EPHA3: variants seen among roughly 807,000 people sequenced by gnomAD.
EPHA3 encodes EPH receptor A3, also known as ephrin type-A receptor 3.
EPHA3 carries 42 observed loss-of-function variants against 107.1 expected under a neutral mutation model. The ratio of observed to expected loss-of-function variants is 0.39; its 90% confidence interval spans 0.31 to 0.51. The LOEUF (loss-of-function observed/expected upper bound fraction) is 0.51, where lower values mean the gene tolerates loss of function less well. Ranked by LOEUF, EPHA3 falls within the 20% of genes least tolerant of loss-of-function variation. The pLI is 0.78. For synonymous variants in EPHA3, 461 were observed against 424.8 expected, an observed-to-expected ratio of 1.09 and a Z score of -1.05; for missense variants, 1,183 against 1,211.2, an observed-to-expected ratio of 0.98 and a Z score of 0.35.
intron 3 of EPHA3, among the ~76,000 whole-genome samples, chr3:89,249,222 T>G (rs2107259813): frequency 6.6e-6 from 1 of 152,312 alleles, no homozygotes; most frequent in East Asian, 1.9e-4. Context: ...AAGGCCCTGG[T>G]TTTGTCTCCT....
intron 2 of EPHA3, among the ~76,000 whole-genome samples, chr3:89,182,292 G>T (rs946429782): frequency 2.0e-5 from 3 of 151,864 alleles, no homozygotes; most frequent in East Asian, 1.9e-4. Context: ...ATCTGTAAAA[G>T]ATCAGTCCGG....
chr3:89,469,413 T>C (rs539190258), intron 15 of EPHA3, among the ~76,000 whole-genome samples: 2 of 152,296 alleles, frequency 1.3e-5, no homozygotes, highest in South Asian at 4.1e-4. Flanking sequence ...GTTTCATGCA[T>C]CGCTGTAAAA....
chr3:89,204,666 A>G (rs1706058201), intron 2 of EPHA3, among the ~76,000 whole-genome samples: 1 of 151,146 alleles, frequency 6.6e-6, no homozygotes, highest in South Asian at 2.1e-4. Context: ...GGCTAAGGAA[A>G]ACTACTTATG....
At position 89,152,474 on chromosome 3, in the gene EPHA3, T is replaced by C. The variant is rs375011100; in HGVS notation, c.153+25201T>C. 3.9e-5 allele frequency among the ~76,000 whole-genome samples: 6 copies of C among 152,204 alleles called. 1 individual carries two copies. Among genetic ancestry groups the C allele is most frequent in the African/African-American group, 1.2e-4 (5 of 41,548 alleles). ...TCTAGGTGATTTTACTCATCTGTTG[T>C]TATGAGTAATTCTCAGGACCTAAAA... On this transcript the variant is annotated intron_variant, in intron 2 of 16. Coordinates refer to ENST00000336596, the MANE Select transcript of EPHA3 (RefSeq NM_005233.6).
At chr3:89,223,416 T>C (rs367650843) in intron 3 of EPHA3, among the ~76,000 whole-genome samples, 1 of 152,210 alleles carries the variant, frequency 6.6e-6, no homozygotes, top group Non-Finnish European at 1.5e-5. Flanking sequence ...AACAGATGAA[T>C]GCTTGAAGGC....
chr3:89,199,005 A>G (rs1705907642), intron 2 of EPHA3, among the ~76,000 whole-genome samples: 1 of 152,160 alleles, frequency 6.6e-6, no homozygotes, highest in Admixed American at 6.5e-5. Flanking sequence ...TTTTTATTGG[A>G]CAATTTCACC....
At chr3:89,318,912 A>G (rs1442691273) in intron 3 of EPHA3, among the ~76,000 whole-genome samples, 1 of 151,952 alleles carries the variant, frequency 6.6e-6, no homozygotes. Flanking sequence ...TCCCCAGAGG[A>G]GTGCAAATAT....
chr3:89,416,328 C>A (rs1349230235), intron 10 of EPHA3, among the ~76,000 whole-genome samples: 7 of 151,324 alleles, frequency 4.6e-5, no homozygotes, highest in African/African-American at 1.7e-4. Flanking sequence ...ATGACAAGAT[C>A]TGAATTTTTG....
intron 15 of EPHA3, among the ~76,000 whole-genome samples, chr3:89,459,521 CCTT>C (rs1480002134): frequency 2.0e-5 from 3 of 150,482 alleles, no homozygotes; most frequent in Non-Finnish European, 4.4e-5. Context: ...TTCCTTCCTT[CCTT>C]CGTTCCTTCC....
intron 7 of EPHA3, among the ~76,000 whole-genome samples, chr3:89,403,113 C>T (rs186893629): frequency 2.1e-4 from 32 of 152,254 alleles, no homozygotes; most frequent in African/African-American, 7.7e-4. Flanking sequence ...GGAGGCAGAG[C>T]AGAGCACATA....
chr3:89,321,949 A>G (rs1188978089), intron 3 of EPHA3, among the ~76,000 whole-genome samples: 1 of 152,134 alleles, frequency 6.6e-6, no homozygotes, highest in African/African-American at 2.4e-5. Flanking sequence ...TACCTTATGC[A>G]GCATGGAAAT....
At chr3:89,270,064 G>A (rs534098681) in intron 3 of EPHA3, among the ~76,000 whole-genome samples, 1 of 151,804 alleles carries the variant, frequency 6.6e-6, no homozygotes, top group Non-Finnish European at 1.5e-5. Context: ...AAATGTGAAA[G>A]CCTACTTCAG....
At chr3:89,447,589 T>C (rs1173791077) in intron 13 of EPHA3, among the ~76,000 whole-genome samples, 3 of 152,186 alleles carry the variant, frequency 2.0e-5, no homozygotes, top group Non-Finnish European at 2.9e-5. Flanking sequence ...TAGCTTCCTC[T>C]TCCATTATAT....
intron 5 of EPHA3, among the ~76,000 whole-genome samples, chr3:89,369,973 A>G (rs1228415295): frequency 6.7e-6 from 1 of 150,340 alleles, no homozygotes; most frequent in Admixed American, 6.7e-5. Context: ...TCTCACACCA[A>G]TTAGAATGGC....
Position 89,127,349 on chromosome 3 carries a change from C to A in EPHA3, c.153+76C>A, listed in dbSNP as rs528627367. ...AGGGAGCAGATGAATTTATTGTATT[C>A]TCTAAAGAGAACTCTTGTACTTCTG... On this transcript the variant is annotated intron_variant, in intron 2 of 16. Coordinates refer to ENST00000336596, the MANE Select transcript of EPHA3 (RefSeq NM_005233.6). 34 of 1,155,560 alleles carry A rather than the reference C, an allele frequency of 2.9e-5. No homozygotes were observed. In the African/African-American group the frequency reaches 3.4e-4, roughly 11 times the overall value. The allele number at this position is 1,155,560 out of a possible 1,614,324, so 71.6% of individuals were successfully genotyped here. A position where few individuals can be genotyped will look rare whatever the true frequency, so the allele number is the denominator to read the frequency against.
At chr3:89,467,620 C>T (rs1421965039) in intron 15 of EPHA3, among the ~76,000 whole-genome samples, 1 of 152,088 alleles carries the variant, frequency 6.6e-6, no homozygotes, top group Non-Finnish European at 1.5e-5. Context: ...TCCCCAGTAT[C>T]TGGTGCTAAT....
intron 15 of EPHA3, among the ~76,000 whole-genome samples, chr3:89,466,742 G>T (rs1423058028): frequency 1.1e-4 from 15 of 134,554 alleles, no homozygotes; most frequent in South Asian, 4.5e-4. Context: ...GCACTCCCTA[G>T]TGAGATGAAC....
intron 15 of EPHA3, among the ~76,000 whole-genome samples, chr3:89,466,938 T>G (rs1276567889): frequency 6.6e-6 from 1 of 152,094 alleles, no homozygotes; most frequent in Non-Finnish European, 1.5e-5. Context: ...CGGCTATAAC[T>G]TCAAAGATTT....
intron 5 of EPHA3, among the ~76,000 whole-genome samples, chr3:89,389,651 C>T (rs377669534): frequency 1.1e-4 from 17 of 152,106 alleles, no homozygotes; most frequent in African/African-American, 3.9e-4. Context: ...ATTTTAGAGG[C>T]AGAATAATGG....
Sources: gnomAD v4.1 joint callset for allele counts (sites outside exome capture counted in the v4.1 genomes callset) on GRCh38, gnomAD v4.1.1 for gene constraint, MANE v1.5 for transcripts, NCBI Gene and HGNC (gene_info 2026-07-23, HGNC 2026-07-21) for gene names.